The following PRPSAP1 variants were observed in gnomAD, a reference collection of about 807,000 sequenced individuals.
The protein encoded by PRPSAP1 is phosphoribosyl pyrophosphate synthetase associated protein 1.
A neutral mutation model predicts 39.4 loss-of-function variants in PRPSAP1; 31 were observed. The observed-to-expected ratio is 0.79, with a 90% CI of 0.59 to 1.06. The LOEUF is 1.06. PRPSAP1 is among the 50% of genes least tolerant of loss of function. The probability of loss-of-function intolerance (pLI) is 0.00; values close to 1 mark genes in which losing one functional copy is unlikely to be tolerated. For missense variants in PRPSAP1, 430 were observed against 511.6 expected (o/e 0.84, Z 1.54); for synonymous variants, 212 against 192.6 (o/e 1.10, Z -0.83).
intron 2 of PRPSAP1, among the ~76,000 whole-genome samples, chr17:76,346,237 G>T (rs1216725376): frequency 2.6e-5 from 4 of 152,198 alleles, no homozygotes; most frequent in Non-Finnish European, 5.9e-5. Flanking sequence ...CTTCATTGTT[G>T]TTCTGGGGAA....
chr17:76,310,522 G>T lies in PRPSAP1; in HGVS notation c.*1020C>A, dbSNP rs1476454048. On this transcript the variant is annotated 3_prime_UTR_variant, in exon 10 of 10. Transcript: ENST00000446526. ...GCTCTGTCACCCAGGATGGATGGCA[G>T]TGGTACAATCATAGTTCACTGCAGC... The T allele has an allele frequency of 6.6e-6, 1 of 151,678 alleles. No individual in the cohort carries two copies. The highest frequency in any genetic ancestry group is 6.6e-5 in the Admixed American group (1 of 15,200). 9.4% of individuals were successfully genotyped at this position (151,678 alleles called of 1,614,324 possible). A position where few individuals can be genotyped will look rare whatever the true frequency, so the allele number is the denominator to read the frequency against.
chr17:76,331,863 G>A (rs1447446966), intron 4 of PRPSAP1, among the ~76,000 whole-genome samples: 1 of 152,058 alleles, frequency 6.6e-6, no homozygotes, highest in African/African-American at 2.4e-5. Context: ...AGGCAAGGGT[G>A]GGGGAGAGGG....
In PRPSAP1 at chr17:76,311,180, A is replaced by G. The variant is rs1321610888; in HGVS notation, c.*362T>C. 2 of 161,466 alleles carry G rather than the reference A, an allele frequency of 1.2e-5. No individual in the cohort carries two copies. Among genetic ancestry groups the G allele is most frequent in the Non-Finnish European group, 2.7e-5 (2 of 74,630 alleles). The allele number at this position is 161,466 out of a possible 1,614,324, so 10.0% of individuals were successfully genotyped here. A position where few individuals can be genotyped will look rare whatever the true frequency, so the allele number is the denominator to read the frequency against. ...AGCTTCCCTAACCAGGTTCAACATC[A>G]ATACCTCCATTTCCCTGGAGCTGAA... On this transcript the variant is annotated 3_prime_UTR_variant, in exon 10 of 10. Transcript: ENST00000446526.
rs2071091421 is a variant in PRPSAP1 at position 76,313,608 on chromosome 17, G to T, written c.852+213C>A. 22 of 534,774 alleles carry T rather than the reference G, an allele frequency of 4.1e-5. 1 individual carries two copies. The South Asian group carries it at 5.7e-4, about 14-fold the overall frequency. The allele number at this position is 534,774 out of a possible 1,614,324, so 33.1% of individuals were successfully genotyped here. On this transcript the variant is annotated intron_variant, in intron 8 of 9. Transcript: ENST00000446526. ...GTGAAGGTGCTGAATTTTCTCACGG[G>T]AGTACTGTGCTCATTTCCTATCTGT...
Position 76,313,325 on chromosome 17 carries a change from A to AT in PRPSAP1, c.853-310dup, listed in dbSNP as rs201539447. 7.9e-3 allele frequency: 2,132 copies of AT among 269,258 alleles called. 4 individuals carry two copies. The highest frequency in any genetic ancestry group is 0.013 in the Middle Eastern group (11 of 868). 16.7% of individuals were successfully genotyped at this position (269,258 alleles called of 1,614,324 possible). ...ATCCCACATAGCCAGCGTTCCATTTATTTTTTTTTCAAATAGACTGTGACA... is the reference window on the plus strand; with the variant it reads ...ATCCCACATAGCCAGCGTTCCATTTATTTTTTTTTTCAAATAGACTGTGACA... On this transcript the variant is annotated intron_variant, in intron 8 of 9. Transcript: ENST00000446526.
chr17:76,352,008 C>T (rs1272494571), intron 1 of PRPSAP1, among the ~76,000 whole-genome samples: 1 of 151,460 alleles, frequency 6.6e-6, no homozygotes, highest in South Asian at 2.1e-4. Context: ...AGGTAGTAGA[C>T]TGCAAAAGGA....
chr17:76,337,092 T>C (rs916180832), intron 3 of PRPSAP1, among the ~76,000 whole-genome samples: 1 of 152,026 alleles, frequency 6.6e-6, no homozygotes, highest in African/African-American at 2.4e-5. Flanking sequence ...CTTTTCTTTC[T>C]TTTTTTTAAA....
chr17:76,343,529 C>A (rs553548345), intron 3 of PRPSAP1, among the ~76,000 whole-genome samples: 7 of 152,300 alleles, frequency 4.6e-5, no homozygotes, highest in African/African-American at 1.7e-4. Context: ...ATGGGAAAAC[C>A]CTTTGTCCTT....
chr17:76,314,940 G>A (rs767770763), intron 7 of PRPSAP1, among the ~76,000 whole-genome samples: 7 of 152,188 alleles, frequency 4.6e-5, no homozygotes, highest in African/African-American at 4.8e-5. Context: ...GCGAAACAGC[G>A]AAAGGCTGCC....
intron 6 of PRPSAP1, among the ~76,000 whole-genome samples, chr17:76,329,760 A>G (rs1238102159): frequency 6.6e-6 from 1 of 151,664 alleles, no homozygotes; most frequent in Non-Finnish European, 1.5e-5. Flanking sequence ...AAAAAAAACC[A>G]TTGCTTGAAA....
intron 1 of PRPSAP1, among the ~76,000 whole-genome samples, chr17:76,352,128 TC>T (rs1247038853): frequency 1.3e-5 from 2 of 151,660 alleles, no homozygotes; most frequent in Admixed American, 1.3e-4. Context: ...CTTCTACATT[TC>T]CCCCCAGAAG....
intron 7 of PRPSAP1, among the ~76,000 whole-genome samples, chr17:76,326,930 G>GAA (rs879869187): frequency 6.9e-6 from 1 of 145,044 alleles, no homozygotes; most frequent in African/African-American, 2.5e-5. Context: ...TCAAATGGTG[G>GAA]AAAAAAAAAA....
rs1012565975 is a variant in PRPSAP1, at chr17:76,353,890, C to G, written c.-187G>C. The G allele has an allele frequency of 1.4e-4, 184 of 1,307,634 alleles. 1 individual carries two copies. Among genetic ancestry groups the G allele is most frequent in the Non-Finnish European group, 1.6e-4 (165 of 1,031,800 alleles). 81.0% of individuals were successfully genotyped at this position (1,307,634 alleles called of 1,614,324 possible). On this transcript the variant is annotated 5_prime_UTR_variant, in exon 1 of 10. Transcript: ENST00000446526. The stretch of plus-strand genomic sequence containing the variant: ...ACAGCGGCCGAGCCTTCGCAGCGCC[C>G]GGCGCCGCCGCCTCAGAGCCAGAGG...
At chr17:76,315,512 T>C (rs1171309736) in intron 7 of PRPSAP1, among the ~76,000 whole-genome samples, 5 of 152,016 alleles carry the variant, frequency 3.3e-5, no homozygotes, top group Admixed American at 2.0e-4. Context: ...AACAAACATA[T>C]ATTTCCTGAT....
intron 1 of PRPSAP1, among the ~76,000 whole-genome samples, chr17:76,351,969 C>A (rs2071578803): frequency 6.6e-6 from 1 of 151,252 alleles, no homozygotes; most frequent in Admixed American, 6.6e-5. Context: ...GAAAGAAAGA[C>A]AAACAATCAG....
intron 3 of PRPSAP1, among the ~76,000 whole-genome samples, chr17:76,343,572 C>T (rs1482035109): frequency 2.0e-5 from 3 of 152,208 alleles, no homozygotes; most frequent in Non-Finnish European, 4.4e-5. Flanking sequence ...TGGTGGCTCA[C>T]GCCTGAAATC....
At chr17:76,315,729 T>C (rs867313451) in intron 7 of PRPSAP1, among the ~76,000 whole-genome samples, 2,908 of 119,034 alleles carry the variant, frequency 0.024, 58 homozygotes, top group African/African-American at 0.088. Context: ...TTTTTTTTTT[T>C]CTTGAGACAG....
intron 1 of PRPSAP1, among the ~76,000 whole-genome samples, chr17:76,351,454 G>A (rs1051633758): frequency 1.3e-5 from 2 of 152,062 alleles, no homozygotes; most frequent in Non-Finnish European, 2.9e-5. Context: ...GGCGTAGCCT[G>A]CAGTGAGCCG....
intron 3 of PRPSAP1, 76 bp downstream of exon 3, chr17:76,344,595 T>A (rs2071475976): frequency 2.4e-6 from 3 of 1,231,620 alleles, no homozygotes; most frequent in African/African-American, 3.1e-5. Context: ...CACTAAGTTG[T>A]TGTTCATATG....
Sources: allele counts gnomAD v4.1 joint callset (sites outside exome capture counted in the v4.1 genomes callset), GRCh38; gene constraint gnomAD v4.1.1; transcripts MANE v1.5; gene names NCBI Gene and HGNC (gene_info 2026-07-23, HGNC 2026-07-21).